The following SLC30A9 variants were observed in gnomAD, a reference collection of about 807,000 sequenced individuals.
The protein encoded by SLC30A9 is proton-coupled zinc antiporter SLC30A9, mitochondrial.
SLC30A9 carries 58 observed loss-of-function variants against 87.5 expected under a neutral mutation model. That is an observed-to-expected ratio of 0.66 (90% CI 0.54 to 0.82). SLC30A9 has a LOEUF of 0.82. SLC30A9 is among the 40% of genes least tolerant of loss of function. The pLI is 0.00. For synonymous variants in SLC30A9, 234 were observed against 233.0 expected (o/e 1.00, Z -0.04); for missense variants, 557 against 679.1 (o/e 0.82, Z 2.00).
rs114279994 is a variant in SLC30A9, at chr4:42,059,540, C to T, written c.841-651C>T. Among the ~76,000 whole-genome samples the T allele has an allele frequency of 7.0e-3, 1,065 of 152,132 alleles. 7 individuals are homozygous for T. The highest frequency in any genetic ancestry group is 0.037 in the Middle Eastern group (11 of 294). On this transcript the variant is annotated intron_variant, in intron 9 of 17. Transcript: ENST00000264451. The stretch of plus-strand genomic sequence containing the variant: ...AAGAATATGATATATAATTCCTGTG[C>T]ATGGTTTTGCAGTTTTAATAGAAAT...
At chr4:42,069,844 G>A (rs566556247) in intron 14 of SLC30A9, among the ~76,000 whole-genome samples, 61 of 152,262 alleles carry the variant, frequency 4.0e-4, no homozygotes, top group Non-Finnish European at 8.1e-4. Context: ...GGGAAACACA[G>A]AATGCTGAAA....
At chr4:42,035,205 AT>A (rs1442929137) in intron 6 of SLC30A9, 69 bp from the exon 7 acceptor site, 1 of 1,447,450 alleles carries the variant, frequency 6.9e-7, no homozygotes, top group Non-Finnish European at 9.6e-7. Flanking sequence ...CCTGAAGAGA[AT>A]ATCATGTTCA....
rs775339046 is a variant in SLC30A9 at position 42,063,031 on chromosome 4, T to A, written c.942T>A (p.Gly314=). ...NMRYISSLIS[G]VGIFMMGAGL... ...GCTATATTTCTTCGCTAATTAGTGGTGTTGGTATTTTCATGATGGGTGCAG... is the reference window on the plus strand; with the variant it reads ...GCTATATTTCTTCGCTAATTAGTGGAGTTGGTATTTTCATGATGGGTGCAG... Residue 314 remains glycine, a synonymous_variant, in exon 11 of 18, where the codon GGT becomes GGA. Coordinates refer to ENST00000264451, the MANE Select transcript of SLC30A9 (RefSeq NM_006345.4). 1.9e-6 allele frequency: 3 copies of A among 1,613,442 alleles called. No individual in the cohort carries two copies. In the East Asian group the frequency reaches 6.7e-5, roughly 36 times the overall value.
intron 2 of SLC30A9, among the ~76,000 whole-genome samples, chr4:42,012,994 A>C (rs1028659237): frequency 3.3e-5 from 5 of 152,218 alleles, no homozygotes; most frequent in African/African-American, 1.2e-4. Flanking sequence ...GAGGCCTGAT[A>C]CTATAACCAG....
chr4:42,040,954 G>T (rs1172694890), intron 8 of SLC30A9, among the ~76,000 whole-genome samples: 1 of 152,146 alleles, frequency 6.6e-6, no homozygotes, highest in African/African-American at 2.4e-5. Flanking sequence ...ATTTACAAAA[G>T]AAAGAGGTTT....
intron 4 of SLC30A9, 93 bp from the exon 5 acceptor site, chr4:42,022,745 T>G: frequency 1.7e-6 from 1 of 588,898 alleles, no homozygotes; most frequent in Non-Finnish European, 3.0e-6. Flanking sequence ...TGGGGATCAG[T>G]GTTGTTGCTT....
In SLC30A9 at chr4:42,087,547, A is replaced by G. The variant is rs1422514072; in HGVS notation, c.*1421A>G. 1.3e-5 allele frequency: 2 copies of G among 152,014 alleles called. No individual in the cohort carries two copies. Among genetic ancestry groups the G allele is most frequent in the Non-Finnish European group, 2.9e-5 (2 of 67,996 alleles). 9.4% of individuals were successfully genotyped at this position (152,014 alleles called of 1,614,324 possible). A position where few individuals can be genotyped will look rare whatever the true frequency, so the allele number is the denominator to read the frequency against. On this transcript the variant is annotated 3_prime_UTR_variant, in exon 18 of 18. Transcript: ENST00000264451. ...TTTGTAATGGTGATTTTTGACCCAG[A>G]AATCTCATTTACTGGAAAATTGTGA...
chr4:42,067,776 G>A (rs1308686205), intron 14 of SLC30A9, among the ~76,000 whole-genome samples: 1 of 152,144 alleles, frequency 6.6e-6, no homozygotes, highest in Non-Finnish European at 1.5e-5. Context: ...TCAGTGAATT[G>A]GGGTGTCTAA....
intron 3 of SLC30A9, among the ~76,000 whole-genome samples, chr4:42,019,176 A>G (rs1715838923): frequency 6.6e-6 from 1 of 152,196 alleles, no homozygotes; most frequent in African/African-American, 2.4e-5. Context: ...TCAACTTGGA[A>G]GTAGAACAGA....
intron 2 of SLC30A9, among the ~76,000 whole-genome samples, chr4:42,007,534 G>A (rs1052848728): frequency 5.3e-5 from 8 of 152,050 alleles, no homozygotes; most frequent in Non-Finnish European, 1.2e-4. Flanking sequence ...GGCTGATCAC[G>A]AGGTCATGAG....
intron 17 of SLC30A9, among the ~76,000 whole-genome samples, chr4:42,079,654 CT>C (rs1461928052): frequency 6.7e-6 from 1 of 149,954 alleles, no homozygotes; most frequent in African/African-American, 2.4e-5. Flanking sequence ...GTCACCCGTG[CT>C]GGAGTGCAGT....
At chr4:42,044,692 A>T (rs1717071800) in intron 8 of SLC30A9, among the ~76,000 whole-genome samples, 1 of 152,218 alleles carries the variant, frequency 6.6e-6, no homozygotes, top group Admixed American at 6.5e-5. Context: ...TCAGGACTTG[A>T]ACTCAGCTCT....
intron 15 of SLC30A9, among the ~76,000 whole-genome samples, chr4:42,075,389 T>C (rs1010131874): frequency 3.3e-5 from 5 of 151,898 alleles, no homozygotes; most frequent in Admixed American, 3.3e-4. Context: ...AATGAACTTT[T>C]AATACATGAG....
chr4:42,044,647 G>T (rs568564577), intron 8 of SLC30A9, among the ~76,000 whole-genome samples: 6 of 152,228 alleles, frequency 3.9e-5, no homozygotes, highest in African/African-American at 1.4e-4. Context: ...GTCAATATTA[G>T]ACAGATCAAC....
intron 1 of SLC30A9, among the ~76,000 whole-genome samples, chr4:41,994,113 C>T (rs890754328): frequency 1.1e-4 from 16 of 151,904 alleles, no homozygotes; most frequent in South Asian, 6.2e-4. Flanking sequence ...GCTGAGATTG[C>T]GCCACTGCAC....
chr4:42,068,203 G>A (rs1181497903), intron 14 of SLC30A9, among the ~76,000 whole-genome samples: 1 of 150,876 alleles, frequency 6.6e-6, no homozygotes, highest in African/African-American at 2.4e-5. Context: ...TAGAAGTTGA[G>A]TGATGTTTTT....
At chr4:42,016,391 A>T (rs1577686211) in intron 2 of SLC30A9, among the ~76,000 whole-genome samples, 1 of 152,182 alleles carries the variant, frequency 6.6e-6, no homozygotes, top group Non-Finnish European at 1.5e-5. Context: ...TCAAGCTAAG[A>T]ACTTCACTGT....
intron 8 of SLC30A9, among the ~76,000 whole-genome samples, chr4:42,043,837 C>T (rs907111848): frequency 2.0e-5 from 3 of 152,170 alleles, no homozygotes; most frequent in African/African-American, 7.2e-5. Context: ...GGGTTACCCA[C>T]AAAGGGAAGC....
chr4:41,999,360 T>C (rs1420571813), intron 1 of SLC30A9, among the ~76,000 whole-genome samples: 2 of 152,176 alleles, frequency 1.3e-5, no homozygotes, highest in East Asian at 3.8e-4. Context: ...AGTAATAAAA[T>C]TGGTATCATC....
Sources: allele counts gnomAD v4.1 joint callset (sites outside exome capture counted in the v4.1 genomes callset), GRCh38; gene constraint gnomAD v4.1.1; transcripts MANE v1.5; gene names NCBI Gene and HGNC (gene_info 2026-07-23, HGNC 2026-07-21).